The following ROBO1 variants were observed in gnomAD, a reference collection of about 807,000 sequenced individuals.
ROBO1 encodes the protein roundabout guidance receptor 1.
A neutral mutation model predicts 195.9 loss-of-function variants in ROBO1; 149 were observed. That is an observed-to-expected ratio of 0.76 (90% CI 0.67 to 0.87). ROBO1 has a LOEUF of 0.87. Ranked by LOEUF, ROBO1 falls within the 40% of genes least tolerant of loss-of-function variation. The probability of loss-of-function intolerance (pLI) is 0.00; values close to 1 mark genes in which losing one functional copy is unlikely to be tolerated. For missense variants in ROBO1, 1,933 were observed against 2,068.3 expected (o/e 0.93, Z 1.27); for synonymous variants, 816 against 733.2 (o/e 1.11, Z -1.82).
intron 1 of ROBO1, among the ~76,000 whole-genome samples, chr3:79,600,385 T>C: frequency 6.6e-6 from 1 of 151,968 alleles, no homozygotes; most frequent in East Asian, 1.9e-4. Context: ...AGCTGGTCTG[T>C]CTTGACACAT....
intron 3 of ROBO1, among the ~76,000 whole-genome samples, chr3:78,987,391 G>A (rs2077133940): frequency 6.6e-6 from 1 of 152,032 alleles, no homozygotes; most frequent in Non-Finnish European, 1.5e-5. Flanking sequence ...AGACTCTTAA[G>A]CCTCAAGAAA....
chr3:79,042,252 C>T (rs921403106), intron 3 of ROBO1, among the ~76,000 whole-genome samples: 2 of 152,126 alleles, frequency 1.3e-5, no homozygotes, highest in Non-Finnish European at 2.9e-5. Context: ...TACTAGTCTA[C>T]ACATATACAT....
intron 3 of ROBO1, among the ~76,000 whole-genome samples, chr3:78,989,171 A>T (rs2077178832): frequency 1.3e-5 from 2 of 152,162 alleles, no homozygotes; most frequent in African/African-American, 4.8e-5. Flanking sequence ...AGCTAGAAGG[A>T]GGATATTGAA....
chr3:79,724,646 C>T (rs754748311), intron 1 of ROBO1, among the ~76,000 whole-genome samples: 4 of 152,318 alleles, frequency 2.6e-5, no homozygotes, highest in African/African-American at 4.8e-5. Flanking sequence ...GTCTAGTATA[C>T]TTGCCAAAAA....
rs1315423800 is a variant in ROBO1 at position 79,766,316 on chromosome 3, C to CT, written c.-51+1435dup. ...TTTCCCTTCTTTCCCCCTTCGTGTCCTTTTTTCTTGGGGGCGCAGGTCCTC... is the reference window on the plus strand; with the variant it reads ...TTTCCCTTCTTTCCCCCTTCGTGTCCTTTTTTTCTTGGGGGCGCAGGTCCTC... On this transcript the variant is annotated intron_variant, in intron 1 of 30. Transcript: ENST00000464233. 3.3e-5 allele frequency among the ~76,000 whole-genome samples: 5 copies of CT among 151,560 alleles called. No individual in the cohort carries two copies. The East Asian group carries it at 7.8e-4, about 24-fold the overall frequency.
At chr3:79,620,937 G>C (rs552148832) in intron 1 of ROBO1, among the ~76,000 whole-genome samples, 1 of 152,040 alleles carries the variant, frequency 6.6e-6, no homozygotes, top group African/African-American at 2.4e-5. Context: ...CTTACAGGCT[G>C]GTCCAGGATC....
intron 5 of ROBO1, among the ~76,000 whole-genome samples, chr3:78,723,672 G>C (rs2082095657): frequency 6.6e-6 from 1 of 151,988 alleles, no homozygotes; most frequent in Admixed American, 6.6e-5. Context: ...GGATTGAAGG[G>C]TGTGTGGGGG....
chr3:79,639,743 A>G (rs1945601610), intron 1 of ROBO1, among the ~76,000 whole-genome samples: 1 of 152,210 alleles, frequency 6.6e-6, no homozygotes, highest in Non-Finnish European at 1.5e-5. Flanking sequence ...ACAAAGCAAA[A>G]GTAAATTTTA....
chr3:78,883,478 C>T (rs992726856), intron 4 of ROBO1, among the ~76,000 whole-genome samples: 2 of 151,990 alleles, frequency 1.3e-5, no homozygotes, highest in Non-Finnish European at 2.9e-5. Context: ...AACTCCTGGC[C>T]TCAGGCAATC....
chr3:79,484,772 T>TTTTTTTTTTTTTTTTTTTTTTTTTTTTA (rs35140187), intron 2 of ROBO1, among the ~76,000 whole-genome samples: 2 of 141,910 alleles, frequency 1.4e-5, no homozygotes, highest in South Asian at 2.4e-4. Context: ...TTTTTTTTTT[T>TTTTTTTTTTTTTTTTTTTTTTTTTTTTA]GAGACAGAGT....
intron 2 of ROBO1, among the ~76,000 whole-genome samples, chr3:79,490,232 C>A (rs1021381804): frequency 6.6e-6 from 1 of 152,086 alleles, no homozygotes; most frequent in African/African-American, 2.4e-5. Flanking sequence ...CTTATTTTGA[C>A]CTCTTCAAGG....
chr3:79,024,512 G>A (rs1276189029), intron 3 of ROBO1, among the ~76,000 whole-genome samples: 2 of 152,124 alleles, frequency 1.3e-5, no homozygotes, highest in Admixed American at 1.3e-4. Flanking sequence ...AGTAGCCAGG[G>A]AACTTATATT....
At chr3:79,490,503 C>G (rs934972998) in intron 2 of ROBO1, among the ~76,000 whole-genome samples, 1 of 152,142 alleles carries the variant, frequency 6.6e-6, no homozygotes, top group Non-Finnish European at 1.5e-5. Context: ...AGCCAGAAAA[C>G]AGGCGCAGAA....
chr3:78,780,948 C>A (rs2083659122), intron 4 of ROBO1, among the ~76,000 whole-genome samples: 1 of 152,146 alleles, frequency 6.6e-6, no homozygotes, highest in Non-Finnish European at 1.5e-5. Context: ...ATGTTAGGCA[C>A]TGTCTTTATG....
chr3:79,634,860 C>G (rs184211679), intron 1 of ROBO1, among the ~76,000 whole-genome samples: 1 of 152,012 alleles, frequency 6.6e-6, no homozygotes, highest in Non-Finnish European at 1.5e-5. Flanking sequence ...TTCTGATAAG[C>G]GAATAGGAAC....
intron 3 of ROBO1, chr3:79,018,652 C>G: frequency 7.1e-7 from 1 of 1,409,212 alleles, no homozygotes; most frequent in Non-Finnish European, 9.3e-7. Flanking sequence ...GAGACTTTTG[C>G]AGAGGAAGAA....
At position 79,702,681 on chromosome 3, in the gene ROBO1, G is replaced by C. The variant is rs143876957; in HGVS notation, c.-51+65071C>G. 4.7e-3 allele frequency among the ~76,000 whole-genome samples: 712 copies of C among 152,030 alleles called. 10 individuals carry two copies. The highest frequency in any genetic ancestry group is 0.015 in the African/African-American group (618 of 41,520). On this transcript the variant is annotated intron_variant, in intron 1 of 30. Transcript: ENST00000464233. Reference sequence around the variant, plus strand: ...GAAGAGACTGAAAACAATCACCCAAGTTCGCACAACTAGTAAGCAACAGAG... The same window carrying C: ...GAAGAGACTGAAAACAATCACCCAACTTCGCACAACTAGTAAGCAACAGAG...
At chr3:79,336,031 C>T (rs1488192763) in intron 2 of ROBO1, among the ~76,000 whole-genome samples, 1 of 152,110 alleles carries the variant, frequency 6.6e-6, no homozygotes. Flanking sequence ...GAACTTTGAA[C>T]TTGAGAGAAA....
intron 2 of ROBO1, among the ~76,000 whole-genome samples, chr3:79,393,714 G>T (rs2106727375): frequency 6.6e-6 from 1 of 152,234 alleles, no homozygotes; most frequent in South Asian, 2.1e-4. Flanking sequence ...AGGGGGCTAT[G>T]CTTCACTGCA....
Sources: gnomAD v4.1 joint callset for allele counts (sites outside exome capture counted in the v4.1 genomes callset) on GRCh38, gnomAD v4.1.1 for gene constraint, MANE v1.5 for transcripts, NCBI Gene and HGNC (gene_info 2026-07-23, HGNC 2026-07-21) for gene names.